SGCD: variants seen among roughly 807,000 people sequenced by gnomAD.
SGCD encodes delta-sarcoglycan.
A neutral mutation model predicts 36.6 loss-of-function variants in SGCD; 18 were observed. That is an observed-to-expected ratio of 0.49 (90% CI 0.34 to 0.73). The LOEUF (loss-of-function observed/expected upper bound fraction) is 0.73, where lower values mean the gene tolerates loss of function less well. Among genes scored for constraint, SGCD ranks in the 30% least tolerant of loss-of-function variants. SGCD has a pLI of 0.01. For synonymous variants in SGCD, 133 were observed against 130.6 expected (o/e 1.02, Z -0.12); for missense variants, 387 against 346.7 (o/e 1.12, Z -0.92).
chr5:156,466,184 G>T (rs992033908), intron 3 of SGCD, among the ~76,000 whole-genome samples: 2 of 152,158 alleles, frequency 1.3e-5, no homozygotes, highest in Non-Finnish European at 2.9e-5. Flanking sequence ...GTGAATAGAT[G>T]CAACTATAAA....
chr5:155,887,819 T>C (rs536392030), intron 1 of SGCD, among the ~76,000 whole-genome samples: 5 of 152,332 alleles, frequency 3.3e-5, no homozygotes, highest in South Asian at 2.1e-4. Flanking sequence ...ATAATACCAA[T>C]AATAACAACG....
At chr5:156,694,349 C>CA (rs1346092489) in intron 7 of SGCD, among the ~76,000 whole-genome samples, 6 of 152,358 alleles carry the variant, frequency 3.9e-5, no homozygotes, top group Middle Eastern at 3.4e-3. Flanking sequence ...CATTCACTGA[C>CA]AGTTCCTTTA....
intron 3 of SGCD, among the ~76,000 whole-genome samples, chr5:156,301,982 G>A (rs1039639808): frequency 7.9e-5 from 12 of 151,968 alleles, no homozygotes; most frequent in Non-Finnish European, 1.0e-4. Flanking sequence ...AATGCCTTGA[G>A]GTAGTCTTCT....
chr5:156,107,745 T>C (rs886396683), intron 1 of SGCD, among the ~76,000 whole-genome samples: 1 of 152,136 alleles, frequency 6.6e-6, no homozygotes, highest in Non-Finnish European at 1.5e-5. Flanking sequence ...TTTGTGCAAG[T>C]TAATATTTTC....
At chr5:156,497,385 A>G (rs1286444133) in intron 3 of SGCD, among the ~76,000 whole-genome samples, 1 of 152,080 alleles carries the variant, frequency 6.6e-6, no homozygotes, top group Non-Finnish European at 1.5e-5. Context: ...TGTTTGATTT[A>G]CTCACGCCCA....
At chr5:156,573,714 T>TG (rs973165390) in intron 4 of SGCD, among the ~76,000 whole-genome samples, 6 of 152,058 alleles carry the variant, frequency 3.9e-5, no homozygotes, top group African/African-American at 9.7e-5. Context: ...TTTTTAGAGA[T>TG]GGGGGGTCTC....
Position 156,654,659 on chromosome 5 carries a change from C to T in SGCD, c.575+7123C>T, listed in dbSNP as rs533833985. Among the ~76,000 whole-genome samples the T allele has an allele frequency of 4.6e-5, 7 of 152,214 alleles. No individual in the cohort carries two copies. In the South Asian group the frequency reaches 1.0e-3, roughly 23 times the overall value. ...CTGAGTCCTAATATCCCTATGTGGC[C>T]TTGAGCTAATTGTGGAGCCCTGCTG... On this transcript the variant is annotated intron_variant, in intron 7 of 8. Transcript: ENST00000337851.
At chr5:155,864,138 A>G in the SGCD span, among the ~76,000 whole-genome samples, 1 of 152,296 alleles carries the variant, frequency 6.6e-6, no homozygotes, top group African/African-American at 2.4e-5. Flanking sequence ...TTCTGGGGGA[A>G]GGTTTTCCAG....
chr5:156,367,449 C>T (rs946926711), intron 3 of SGCD, among the ~76,000 whole-genome samples: 2 of 152,074 alleles, frequency 1.3e-5, no homozygotes, highest in Non-Finnish European at 2.9e-5. Context: ...AATTGTTATT[C>T]AAAAATAATA....
At chr5:156,631,176 T>C (rs2113531951) in intron 6 of SGCD, among the ~76,000 whole-genome samples, 1 of 152,300 alleles carries the variant, frequency 6.6e-6, no homozygotes, top group East Asian at 1.9e-4. Context: ...AAAGACATTT[T>C]TCAGGACAAC....
intron 3 of SGCD, among the ~76,000 whole-genome samples, chr5:156,406,815 T>TATATATATATATATAG (rs1772447775): frequency 9.0e-6 from 1 of 110,972 alleles, no homozygotes; most frequent in Non-Finnish European, 1.8e-5. Context: ...TATATATATA[T>TATATATATATATATAG]ATATACACAC....
intron 3 of SGCD, among the ~76,000 whole-genome samples, chr5:156,452,734 C>T (rs573955958): frequency 8.5e-5 from 13 of 152,124 alleles, no homozygotes; most frequent in African/African-American, 2.2e-4. Flanking sequence ...TAAGATTCCA[C>T]GGTGAATGAT....
At chr5:156,307,278 T>A (rs2127687904) in intron 3 of SGCD, among the ~76,000 whole-genome samples, 1 of 152,258 alleles carries the variant, frequency 6.6e-6, no homozygotes, top group African/African-American at 2.4e-5. Context: ...GAACTTGGGC[T>A]CAAGTGATCC....
intron 3 of SGCD, among the ~76,000 whole-genome samples, chr5:156,409,283 T>C (rs1772610595): frequency 6.6e-6 from 1 of 152,256 alleles, no homozygotes; most frequent in Non-Finnish European, 1.5e-5. Context: ...TGTTCATTTT[T>C]CTTCTCTTTG....
intron 3 of SGCD, among the ~76,000 whole-genome samples, chr5:156,499,616 G>A (rs1302441210): frequency 6.6e-6 from 1 of 152,176 alleles, no homozygotes; most frequent in Admixed American, 6.6e-5. Flanking sequence ...CTGGCCAAGG[G>A]AAGGGCATAA....
At chr5:156,313,962 A>G (rs1767451267) in intron 3 of SGCD, among the ~76,000 whole-genome samples, 1 of 151,612 alleles carries the variant, frequency 6.6e-6, no homozygotes, top group African/African-American at 2.4e-5. Context: ...TATCTTTTCT[A>G]TTATCACCTT....
chr5:156,074,188 C>T (rs963252126), intron 1 of SGCD, among the ~76,000 whole-genome samples: 2 of 152,062 alleles, frequency 1.3e-5, no homozygotes, highest in Non-Finnish European at 2.9e-5. Flanking sequence ...AGGCAGTGAC[C>T]CTTTGATCTC....
chr5:156,068,808 T>C (rs1760428869), intron 1 of SGCD, among the ~76,000 whole-genome samples: 1 of 151,812 alleles, frequency 6.6e-6, no homozygotes, highest in South Asian at 2.1e-4. Flanking sequence ...TCTTAATGAT[T>C]GCCATTCTAA....
intron 3 of SGCD, among the ~76,000 whole-genome samples, chr5:156,130,459 TA>T (rs1215500060): frequency 4.6e-5 from 7 of 152,208 alleles, no homozygotes; most frequent in Non-Finnish European, 7.3e-5. Flanking sequence ...AGTTACTTTT[TA>T]TTTTTTTGCA....
Sources: gnomAD v4.1 joint callset for allele counts (sites outside exome capture counted in the v4.1 genomes callset) on GRCh38, gnomAD v4.1.1 for gene constraint, MANE v1.5 for transcripts, NCBI Gene and HGNC (gene_info 2026-07-23, HGNC 2026-07-21) for gene names.